MGAT4A: variants seen among roughly 807,000 people sequenced by gnomAD.
The protein encoded by MGAT4A is N-acetylglucosaminyltransferase IVa.
A neutral mutation model predicts 74.1 loss-of-function variants in MGAT4A; 33 were observed. The observed-to-expected ratio is 0.45, with a 90% CI of 0.34 to 0.60. MGAT4A has a LOEUF of 0.60. MGAT4A is among the 20% of genes least tolerant of loss of function. MGAT4A has a pLI of 0.02. For missense variants in MGAT4A, 479 were observed against 628.3 expected (o/e 0.76, Z 2.54); for synonymous variants, 198 against 210.4 (o/e 0.94, Z 0.51).
At chr2:98,631,608 G>A (rs895347925) in intron 14 of MGAT4A, among the ~76,000 whole-genome samples, 1 of 152,216 alleles carries the variant, frequency 6.6e-6, no homozygotes, top group Non-Finnish European at 1.5e-5. Flanking sequence ...ATCGATGGGC[G>A]GAATGACGCA....
At chr2:98,677,663 G>A (rs1194176505) in intron 3 of MGAT4A, among the ~76,000 whole-genome samples, 1 of 152,028 alleles carries the variant, frequency 6.6e-6, no homozygotes, top group Non-Finnish European at 1.5e-5. Flanking sequence ...ATGTTGGCCA[G>A]CCTGGTCTTG....
intron 2 of MGAT4A, among the ~76,000 whole-genome samples, chr2:98,697,441 T>C (rs1702293193): frequency 1.3e-5 from 2 of 152,116 alleles, no homozygotes; most frequent in Admixed American, 6.6e-5. Flanking sequence ...GGGGAGATCT[T>C]TGTGGTGATA....
chr2:98,701,693 A>G (rs973650324), intron 2 of MGAT4A, among the ~76,000 whole-genome samples: 2 of 152,232 alleles, frequency 1.3e-5, no homozygotes, highest in African/African-American at 4.8e-5. Flanking sequence ...AAACTTTAAC[A>G]TATCAGCAAG....
At chr2:98,705,945 T>A in intron 2 of MGAT4A, among the ~76,000 whole-genome samples, 1 of 108,432 alleles carries the variant, frequency 9.2e-6, no homozygotes. Context: ...CGAGACTCCG[T>A]CTCAAAAAAA....
At chr2:98,707,337 C>T (rs79391924) in intron 2 of MGAT4A, among the ~76,000 whole-genome samples, 1 of 152,302 alleles carries the variant, frequency 6.6e-6, no homozygotes, top group African/African-American at 2.4e-5. Flanking sequence ...GGCATGGCCT[C>T]TGCCTCCTTA....
At chr2:98,684,217 A>G (rs367851809) in intron 2 of MGAT4A, among the ~76,000 whole-genome samples, 3 of 152,212 alleles carry the variant, frequency 2.0e-5, no homozygotes, top group East Asian at 3.8e-4. Context: ...CCAAATTAAT[A>G]TGTTTGATAA....
chr2:98,720,464 G>T (rs1455431085), intron 2 of MGAT4A, among the ~76,000 whole-genome samples: 1 of 152,188 alleles, frequency 6.6e-6, no homozygotes, highest in Non-Finnish European at 1.5e-5. Context: ...TTTCACCATT[G>T]GCTCCCTTAT....
chr2:98,627,363 AG>A (rs1275171711), intron 14 of MGAT4A, among the ~76,000 whole-genome samples: 1 of 152,120 alleles, frequency 6.6e-6, no homozygotes, highest in Non-Finnish European at 1.5e-5. Flanking sequence ...TTAAGTCTGC[AG>A]CAAAAACTAG....
chr2:98,642,589 A>G (rs911153030), intron 10 of MGAT4A, among the ~76,000 whole-genome samples: 1 of 152,218 alleles, frequency 6.6e-6, no homozygotes, highest in African/African-American at 2.4e-5. Context: ...TTAGAACCTA[A>G]CCACATATTA....
intron 2 of MGAT4A, among the ~76,000 whole-genome samples, chr2:98,718,141 A>G (rs1443767541): frequency 1.3e-5 from 2 of 152,208 alleles, no homozygotes; most frequent in East Asian, 3.8e-4. Context: ...ACTGATTCAA[A>G]GGTACACATT....
intron 8 of MGAT4A, among the ~76,000 whole-genome samples, chr2:98,646,204 T>C (rs1284743301): frequency 1.3e-5 from 2 of 149,840 alleles, no homozygotes; most frequent in East Asian, 3.9e-4. Context: ...AAACGTGTGA[T>C]TTTTTTTTCC....
chr2:98,627,433 T>C (rs1258781562), intron 14 of MGAT4A, among the ~76,000 whole-genome samples: 1 of 152,208 alleles, frequency 6.6e-6, no homozygotes, highest in Non-Finnish European at 1.5e-5. Context: ...TGGAGTGCGA[T>C]GGCACGATCT....
chr2:98,720,194 G>A (rs1702647563), intron 2 of MGAT4A, among the ~76,000 whole-genome samples: 1 of 152,194 alleles, frequency 6.6e-6, no homozygotes, highest in African/African-American at 2.4e-5. Context: ...ACGGGGCTAA[G>A]GAATGCCCAG....
chr2:98,670,421 G>A (rs1701896959), intron 4 of MGAT4A, among the ~76,000 whole-genome samples: 1 of 152,094 alleles, frequency 6.6e-6, no homozygotes. Context: ...TTTATAATTT[G>A]ACAGAGCTAT....
chr2:98,665,838 G>A (rs1183103968), intron 4 of MGAT4A, among the ~76,000 whole-genome samples: 1 of 152,214 alleles, frequency 6.6e-6, no homozygotes, highest in Non-Finnish European at 1.5e-5. Flanking sequence ...GAATACTGCA[G>A]AAGAGGAAGC....
At chr2:98,662,456 TA>T (rs1701766210) in intron 5 of MGAT4A, among the ~76,000 whole-genome samples, 1 of 152,168 alleles carries the variant, frequency 6.6e-6, no homozygotes, top group African/African-American at 2.4e-5. Flanking sequence ...TGGGGAACTC[TA>T]AAAAGTTAGG....
chr2:98,683,692 GT>G (rs879825561), intron 2 of MGAT4A, among the ~76,000 whole-genome samples: 1 of 152,108 alleles, frequency 6.6e-6, no homozygotes, highest in Admixed American at 6.5e-5. Flanking sequence ...TTCTTGTTAT[GT>G]TTTCAAATCA....
chr2:98,705,348 C>T lies in MGAT4A; in HGVS notation c.94+20891G>A, dbSNP rs544831367. On this transcript the variant is annotated intron_variant, in intron 2 of 15. Transcript: ENST00000393487. The stretch of plus-strand genomic sequence containing the variant: ...AGCTTCATTCACCAGCATGCCTAAA[C>T]GAGTTCAGCAGCAGCATTCAGGTTC... Among the ~76,000 whole-genome samples, 8 of 152,254 alleles carry T rather than the reference C, an allele frequency of 5.3e-5. No homozygotes were observed. In the South Asian group the frequency reaches 1.0e-3, roughly 20 times the overall value.
chr2:98,672,863 T>C (rs1283990064), intron 4 of MGAT4A, among the ~76,000 whole-genome samples: 2 of 152,174 alleles, frequency 1.3e-5, no homozygotes, highest in African/African-American at 4.8e-5. Flanking sequence ...TCAGTTATTG[T>C]GTTATGGGCA....
Sources: allele counts gnomAD v4.1 joint callset (sites outside exome capture counted in the v4.1 genomes callset), GRCh38; gene constraint gnomAD v4.1.1; transcripts MANE v1.5; gene names NCBI Gene and HGNC (gene_info 2026-07-23, HGNC 2026-07-21).